The following GABRA3 variants were observed in gnomAD, a reference collection of about 807,000 sequenced individuals.
GABRA3 encodes gamma-aminobutyric acid type A receptor subunit alpha3.
In GABRA3, 10 loss-of-function variants were observed where a neutral mutation model predicts 30.1. The observed-to-expected ratio is 0.33, with a 90% CI of 0.20 to 0.56. The LOEUF is 0.56. Among genes scored for constraint, GABRA3 ranks in the 20% least tolerant of loss-of-function variants. The probability of loss-of-function intolerance (pLI) is 0.89; values close to 1 mark genes in which losing one functional copy is unlikely to be tolerated. For missense variants in GABRA3, 233 were observed against 392.0 expected, an observed-to-expected ratio of 0.59 and a Z score of 3.42; for synonymous variants, 151 against 146.8, an observed-to-expected ratio of 1.03 and a Z score of -0.21.
At chrX:152,182,082 T>C (rs1937156884) in intron 9 of GABRA3, among the ~76,000 whole-genome samples, 1 of 110,001 alleles carries the variant, frequency 9.1e-6, no homozygotes, top group African/African-American at 3.3e-5. Context: ...TGAGAGGTTT[T>C]TTATCATGAA....
intron 3 of GABRA3, among the ~76,000 whole-genome samples, chrX:152,327,804 G>C (rs1411566657): frequency 9.0e-6 from 1 of 111,330 alleles, no homozygotes; most frequent in South Asian, 3.7e-4. Context: ...AGAGAAGTAA[G>C]GGCAAACACA....
rs1422993416 is a variant in GABRA3 at position 152,226,355 on chromosome X, AC to A, written c.552-1511del. Among the ~76,000 whole-genome samples, 4 of 111,777 alleles carry A rather than the reference AC, an allele frequency of 3.6e-5. No individual in the cohort carries two copies. In the Admixed American group the frequency reaches 3.8e-4, roughly 11 times the overall value. On this transcript the variant is annotated intron_variant, in intron 5 of 9. Coordinates refer to ENST00000370314, the MANE Select transcript of GABRA3 (RefSeq NM_000808.4). The stretch of plus-strand genomic sequence containing the variant: ...ATCATTATGATGATCATTGCTAATA[AC>A]CTATGAGATGCTCACAGTATGTTAC...
intron 1 of GABRA3, among the ~76,000 whole-genome samples, chrX:152,414,891 T>C (rs1603256862): frequency 9.8e-6 from 1 of 102,349 alleles, no homozygotes; most frequent in Admixed American, 1.1e-4. Context: ...GAACCTTAAA[T>C]GTATATTGCT....
At chrX:152,189,979 A>G in intron 8 of GABRA3, 38 bp from the exon 9 acceptor site, 1 of 962,973 alleles carries the variant, frequency 1.0e-6, no homozygotes, top group African/African-American at 1.9e-5. Context: ...TGCAACTGGA[A>G]GACATTGAGA....
chrX:152,219,565 G>C (rs1402175193), intron 6 of GABRA3, among the ~76,000 whole-genome samples: 1 of 111,434 alleles, frequency 9.0e-6, no homozygotes, highest in Non-Finnish European at 1.9e-5. Context: ...ATCTATTGAT[G>C]TTAAGTCAAA....
Position 152,357,891 on chromosome X carries a change from A to G in GABRA3, c.140+6540T>C, listed in dbSNP as rs769859203. 8.1e-5 allele frequency among the ~76,000 whole-genome samples: 9 copies of G among 110,792 alleles called. No individual in the cohort carries two copies. The South Asian group carries it at 3.5e-3, about 43-fold the overall frequency. Reference sequence around the variant, plus strand: ...CTGTGGCATTATTTCTGGGCTCTCTATTCGGTTCCCTTGGTCTAGGTGTCT... The same window carrying G: ...CTGTGGCATTATTTCTGGGCTCTCTGTTCGGTTCCCTTGGTCTAGGTGTCT... On this transcript the variant is annotated intron_variant, in intron 2 of 9. Transcript: ENST00000370314.
At position 152,345,663 on chromosome X, in the gene GABRA3, G is replaced by A; in HGVS notation, c.180C>T (p.Ser60=). ...PKHAPDIPDD[S]TDNITIFTRI... is the part of the protein sequence containing the mutation. Reference sequence around the variant, plus strand: ...TGGTGAAGATAGTGATGTTGTCAGTGCTGTCATCAGGAATATCTGGGGCAT... The same window carrying A: ...TGGTGAAGATAGTGATGTTGTCAGTACTGTCATCAGGAATATCTGGGGCAT... Residue 60 remains serine, a synonymous_variant, in exon 3 of 10, where the codon AGC becomes AGT. Transcript: ENST00000370314. 1 of 1,204,564 alleles carries A rather than the reference G, an allele frequency of 8.3e-7. No individual in the cohort carries two copies. The highest frequency in any genetic ancestry group is 1.1e-6 in the Non-Finnish European group (1 of 891,876).
At chrX:152,305,596 A>C (rs1023880979) in intron 3 of GABRA3, among the ~76,000 whole-genome samples, 3 of 111,683 alleles carry the variant, frequency 2.7e-5, no homozygotes, top group African/African-American at 6.5e-5. Context: ...TAAAGTGATA[A>C]GAAAATAAAA....
At chrX:152,260,511 C>T (rs1381415085) in intron 4 of GABRA3, among the ~76,000 whole-genome samples, 1 of 111,719 alleles carries the variant, frequency 9.0e-6, no homozygotes, top group East Asian at 2.8e-4. Context: ...TGTCACTCCA[C>T]TCTCAGCTTC....
chrX:152,422,997 T>A (rs1182676538), intron 1 of GABRA3, among the ~76,000 whole-genome samples: 10 of 112,127 alleles, frequency 8.9e-5, no homozygotes, highest in Non-Finnish European at 1.9e-4. Flanking sequence ...ATTTTTCATT[T>A]GTCAATTAAA....
At position 152,214,537 on chromosome X, in the gene GABRA3, T is replaced by C. The variant is rs141022998; in HGVS notation, c.635-6393A>G. On this transcript the variant is annotated intron_variant, in intron 6 of 9. Coordinates refer to ENST00000370314, the MANE Select transcript of GABRA3 (RefSeq NM_000808.4). ...ATGTCCCCAGCTTTAATCCTTTTGC[T>C]CAGTATGGTTTTGGAGATGTGGGGT... 9.8e-3 allele frequency among the ~76,000 whole-genome samples: 1,094 copies of C among 111,329 alleles called. 10 individuals carry two copies. Among genetic ancestry groups the C allele is most frequent in the African/African-American group, 0.034 (1,044 of 30,673 alleles).
At chrX:152,437,560 C>T (rs937929544) in intron 1 of GABRA3, among the ~76,000 whole-genome samples, 1 of 111,071 alleles carries the variant, frequency 9.0e-6, no homozygotes, top group Non-Finnish European at 1.9e-5. Context: ...AGACAAAAGA[C>T]CCAGAATAGT....
intron 4 of GABRA3, among the ~76,000 whole-genome samples, chrX:152,279,138 G>T (rs970702885): frequency 1.3e-4 from 15 of 111,557 alleles, no homozygotes; most frequent in Middle Eastern, 4.2e-3. Context: ...GTCAATTTTG[G>T]CTTTTGTTGC....
chrX:152,391,934 G>A (rs1480370127), intron 1 of GABRA3, among the ~76,000 whole-genome samples: 1 of 111,597 alleles, frequency 9.0e-6, no homozygotes, highest in Non-Finnish European at 1.9e-5. Flanking sequence ...TATGTGTCAG[G>A]CACTAATCTA....
At chrX:152,241,868 C>T (rs1337749140) in intron 5 of GABRA3, among the ~76,000 whole-genome samples, 1 of 111,815 alleles carries the variant, frequency 8.9e-6, no homozygotes, top group Non-Finnish European at 1.9e-5. Context: ...TGGGCTCGCA[C>T]ACGGTGCGCG....
chrX:152,340,545 T>C (rs949609711), intron 3 of GABRA3, among the ~76,000 whole-genome samples: 7 of 112,127 alleles, frequency 6.2e-5, no homozygotes, highest in African/African-American at 2.3e-4. Context: ...TTTAAGTGTT[T>C]ATGTGTTTGA....
At chrX:152,284,186 T>C (rs759141689) in intron 4 of GABRA3, among the ~76,000 whole-genome samples, 1 of 111,554 alleles carries the variant, frequency 9.0e-6, no homozygotes, top group Admixed American at 9.6e-5. Flanking sequence ...CCAGAAGTGA[T>C]TTAGATTCTT....
intron 1 of GABRA3, among the ~76,000 whole-genome samples, chrX:152,420,057 C>A (rs1465437769): frequency 9.0e-6 from 1 of 111,658 alleles, no homozygotes; most frequent in African/African-American, 3.2e-5. Context: ...GAAAAAAAAT[C>A]TGATAAAATT....
chrX:152,279,625 T>C (rs1283962757), intron 4 of GABRA3, among the ~76,000 whole-genome samples: 5 of 111,410 alleles, frequency 4.5e-5, no homozygotes, highest in Non-Finnish European at 7.5e-5. Flanking sequence ...AAATTTAAAG[T>C]AGTTTTTTCC....
Sources: allele counts gnomAD v4.1 joint callset (sites outside exome capture counted in the v4.1 genomes callset), GRCh38; gene constraint gnomAD v4.1.1; transcripts MANE v1.5; gene names NCBI Gene and HGNC (gene_info 2026-07-23, HGNC 2026-07-21).